The following PRR5L variants were observed in gnomAD, a reference collection of about 807,000 sequenced individuals.
PRR5L encodes the protein proline rich 5 like.
PRR5L carries 21 observed loss-of-function variants against 36.4 expected under a neutral mutation model. That is an observed-to-expected ratio of 0.58 (90% CI 0.41 to 0.83). The LOEUF (loss-of-function observed/expected upper bound fraction) is 0.83, where lower values mean the gene tolerates loss of function less well. Ranked by LOEUF, PRR5L falls within the 40% of genes least tolerant of loss-of-function variation. The pLI, the probability that PRR5L is intolerant of heterozygous loss-of-function variation, is 0.00. For synonymous variants in PRR5L, 188 were observed against 197.0 expected (o/e 0.95, Z 0.38); for missense variants, 381 against 473.3 (o/e 0.80, Z 1.81).
At chr11:36,337,773 C>T (rs548278581) in intron 1 of PRR5L, among the ~76,000 whole-genome samples, 12 of 152,264 alleles carry the variant, frequency 7.9e-5, no homozygotes, top group African/African-American at 2.2e-4. Flanking sequence ...TGCTCCAGGA[C>T]GAAAGTGTGA....
At chr11:36,312,115 G>A (rs1242511243) in intron 1 of PRR5L, among the ~76,000 whole-genome samples, 1 of 152,166 alleles carries the variant, frequency 6.6e-6, no homozygotes, top group Non-Finnish European at 1.5e-5. Flanking sequence ...CAGGGTAGGT[G>A]GGAGCGTGGG....
At chr11:36,384,024 C>A (rs543134181) in intron 1 of PRR5L, among the ~76,000 whole-genome samples, 11 of 152,312 alleles carry the variant, frequency 7.2e-5, no homozygotes, top group African/African-American at 2.6e-4. Flanking sequence ...GGAGCCATAT[C>A]TGGCTCATCT....
intron 1 of PRR5L, chr11:36,376,318 G>C: frequency 9.1e-7 from 1 of 1,099,410 alleles, no homozygotes; most frequent in Non-Finnish European, 1.1e-6. Flanking sequence ...GAAGAGGGGA[G>C]GAGGGGGAGA....
At chr11:36,435,342 A>G (rs1858582146) in intron 5 of PRR5L, among the ~76,000 whole-genome samples, 1 of 152,172 alleles carries the variant, frequency 6.6e-6, no homozygotes, top group Non-Finnish European at 1.5e-5. Context: ...CCATCACAGC[A>G]TTACAGGCCC....
chr11:36,334,826 T>A (rs1856753122), intron 1 of PRR5L, among the ~76,000 whole-genome samples: 3 of 152,200 alleles, frequency 2.0e-5, no homozygotes, highest in Non-Finnish European at 4.4e-5. Flanking sequence ...TAAACTTTTG[T>A]TGAGTGATCA....
chr11:36,438,786 CT>C (rs1464293068), intron 6 of PRR5L, among the ~76,000 whole-genome samples: 1 of 151,914 alleles, frequency 6.6e-6, no homozygotes, highest in Non-Finnish European at 1.5e-5. Flanking sequence ...TTAAAAAAAA[CT>C]AGCCAGGCAT....
chr11:36,425,449 A>T (rs1321812604), intron 4 of PRR5L: 2 of 152,202 alleles, frequency 1.3e-5, no homozygotes, highest in African/African-American at 4.8e-5. Context: ...AGGCAGGAGG[A>T]GTTCCAGGGT....
At chr11:36,421,296 C>G (rs1310459159) in intron 4 of PRR5L, among the ~76,000 whole-genome samples, 1 of 152,112 alleles carries the variant, frequency 6.6e-6, no homozygotes, top group African/African-American at 2.4e-5. Context: ...TGGGTGGGGA[C>G]TTGTTTATCT....
rs1259706956 is a variant in PRR5L, at chr11:36,308,873, T to C, written c.-126+12435T>C. On this transcript the variant is annotated intron_variant, in intron 1 of 8. Transcript: ENST00000530639. The stretch of plus-strand genomic sequence containing the variant: ...CATAACTTGGGTAGCCACTGCCCTT[T>C]CTCCCTGTGCTCCAGAATTAGTCAC... Among the ~76,000 whole-genome samples, 3 of 152,208 alleles carry C rather than the reference T, an allele frequency of 2.0e-5. No homozygotes were observed. In the East Asian group the frequency reaches 5.8e-4, roughly 29 times the overall value.
intron 1 of PRR5L, among the ~76,000 whole-genome samples, chr11:36,317,282 C>T (rs920074449): frequency 6.6e-6 from 1 of 152,202 alleles, no homozygotes; most frequent in African/African-American, 2.4e-5. Context: ...CAGGCTTAAA[C>T]CCCAGCTCTC....
At chr11:36,365,875 T>G (rs2133506393) in intron 1 of PRR5L, among the ~76,000 whole-genome samples, 1 of 152,312 alleles carries the variant, frequency 6.6e-6, no homozygotes, top group South Asian at 2.1e-4. Context: ...AGGGCAGCCA[T>G]CCACCTGGCT....
chr11:36,397,667 G>C (rs950232652), intron 1 of PRR5L, among the ~76,000 whole-genome samples: 1 of 151,758 alleles, frequency 6.6e-6, no homozygotes, highest in African/African-American at 2.4e-5. Flanking sequence ...ATATTGACCA[G>C]GCTGATCTCG....
intron 1 of PRR5L, among the ~76,000 whole-genome samples, chr11:36,387,532 A>C (rs899148755): frequency 1.3e-5 from 2 of 152,212 alleles, no homozygotes; most frequent in African/African-American, 4.8e-5. Context: ...GATGGTTCTG[A>C]GTTTGTATTG....
intron 8 of PRR5L, 135 bp downstream of exon 8, chr11:36,451,470 T>C (rs975283799): frequency 1.9e-5 from 20 of 1,068,840 alleles, no homozygotes; most frequent in Non-Finnish European, 2.5e-5. Flanking sequence ...CCTGTGCGGG[T>C]CAGTGCAAAT....
intron 8 of PRR5L, among the ~76,000 whole-genome samples, chr11:36,456,228 G>T (rs898269710): frequency 6.6e-6 from 1 of 152,188 alleles, no homozygotes; most frequent in Non-Finnish European, 1.5e-5. Context: ...CCAGCTAAAG[G>T]TGGCCTGGCG....
At chr11:36,320,936 A>G (rs1428001617) in intron 1 of PRR5L, among the ~76,000 whole-genome samples, 1 of 152,212 alleles carries the variant, frequency 6.6e-6, no homozygotes, top group Admixed American at 6.5e-5. Context: ...ATTACTTGTA[A>G]TGATTTAATT....
At chr11:36,336,309 A>C (rs1856768306) in intron 1 of PRR5L, among the ~76,000 whole-genome samples, 1 of 152,062 alleles carries the variant, frequency 6.6e-6, no homozygotes, top group African/African-American at 2.4e-5. Flanking sequence ...GCTCACTTGC[A>C]ACCTCCTTCT....
chr11:36,414,320 A>C (rs1858094769), intron 3 of PRR5L, among the ~76,000 whole-genome samples: 1 of 149,516 alleles, frequency 6.7e-6, no homozygotes, highest in Non-Finnish European at 1.5e-5. Context: ...ACTAGTTTAC[A>C]GTCCCACCAA....
chr11:36,388,061 C>G (rs1481158564), intron 1 of PRR5L: 1 of 152,254 alleles, frequency 6.6e-6, no homozygotes, highest in Non-Finnish European at 1.5e-5. Context: ...AGCTTACTGT[C>G]CACACCTGCC....
Sources: gnomAD v4.1 joint callset for allele counts (sites outside exome capture counted in the v4.1 genomes callset) on GRCh38, gnomAD v4.1.1 for gene constraint, MANE v1.5 for transcripts, NCBI Gene and HGNC (gene_info 2026-07-23, HGNC 2026-07-21) for gene names.